ARPP19: variants seen among roughly 807,000 people sequenced by gnomAD.
The protein encoded by ARPP19 is cAMP-regulated phosphoprotein 19.
ARPP19 carries 8 observed loss-of-function variants against 12.0 expected under a neutral mutation model. The observed-to-expected ratio is 0.67, with a 90% confidence interval of 0.39 to 1.21. The LOEUF is 1.21. Ranked by LOEUF, ARPP19 falls within the 50% of genes most tolerant of loss-of-function variation. ARPP19 has a pLI of 0.01. For missense variants in ARPP19, 102 were observed against 136.3 expected (o/e 0.75, Z 1.25); for synonymous variants, 47 against 50.4 (o/e 0.93, Z 0.29).
chr15:52,558,630 A>T lies in ARPP19; in HGVS notation c.46-1408T>A, dbSNP rs991800952. On this transcript the variant is annotated intron_variant, in intron 1 of 2. Coordinates refer to ENST00000249822, the MANE Select transcript of ARPP19 (RefSeq NM_006628.6). ...CTGCCTATCTTGAGCCTTCCAGGTT[A>T]CTTAGGAATAGTCAAAGCAGGAATG... Among the ~76,000 whole-genome samples, 3 of 152,110 alleles carry T rather than the reference A, an allele frequency of 2.0e-5. No individual in the cohort carries two copies. The East Asian group carries it at 5.8e-4, about 29-fold the overall frequency.
intron 1 of ARPP19, among the ~76,000 whole-genome samples, chr15:52,558,468 C>T (rs1275345263): frequency 6.7e-5 from 5 of 74,292 alleles, no homozygotes; most frequent in Non-Finnish European, 1.4e-4. Flanking sequence ...CAAAACAAAA[C>T]AGAAAAAAAA....
Position 52,558,680 on chromosome 15 carries a change from T to C in ARPP19, c.46-1458A>G, listed in dbSNP as rs575370642. On this transcript the variant is annotated intron_variant, in intron 1 of 2. Coordinates refer to ENST00000249822, the MANE Select transcript of ARPP19 (RefSeq NM_006628.6). ...GTTAAATCCATAAATGTCAAACCTA[T>C]GTTCTTATATAGCAAGCAAACCATT... is the stretch of plus-strand genomic sequence containing the variant. 2.7e-4 allele frequency among the ~76,000 whole-genome samples: 41 copies of C among 151,656 alleles called. No individual in the cohort carries two copies. The South Asian group carries it at 4.8e-3, about 18-fold the overall frequency.
At chr15:52,567,518 A>G (rs1461228088) in intron 1 of ARPP19, among the ~76,000 whole-genome samples, 36 of 152,320 alleles carry the variant, frequency 2.4e-4, no homozygotes, top group Admixed American at 2.4e-3. Context: ...CTAAATTTCA[A>G]GCAATAATGA....
chr15:52,565,666 C>T (rs2078074693), intron 1 of ARPP19, among the ~76,000 whole-genome samples: 2 of 152,150 alleles, frequency 1.3e-5, no homozygotes, highest in South Asian at 4.1e-4. Context: ...TCATAGTTTA[C>T]TCTTAAAAGG....
chr15:52,557,214 T>C lies in ARPP19; in HGVS notation c.54A>G (p.Glu18=). 5.6e-6 allele frequency: 9 copies of C among 1,594,604 alleles called. No homozygotes were observed. Among genetic ancestry groups the C allele is most frequent in the Non-Finnish European group, 7.7e-6 (9 of 1,166,702 alleles). ...AASAEEQKEM[E]DKVTSPEKAE... ...CTTTCTCTGGACTAGTCACTTTATC[T>C]TCCATTTCCTAAAATAATTTCAAAT... Residue 18 remains glutamate, a synonymous_variant, in exon 2 of 3, where the codon GAA becomes GAG. Transcript: ENST00000249822.
In ARPP19 at chr15:52,549,671, G is replaced by A. The variant is rs959114442; in HGVS notation, c.*2263C>T. 6.6e-6 allele frequency: 1 copy of A among 152,416 alleles called. No individual in the cohort carries two copies. Among genetic ancestry groups the A allele is most frequent in the African/African-American group, 2.4e-5 (1 of 41,336 alleles). 9.4% of individuals were successfully genotyped at this position (152,416 alleles called of 1,614,324 possible). On this transcript the variant is annotated 3_prime_UTR_variant, in exon 3 of 3. Coordinates refer to ENST00000249822, the MANE Select transcript of ARPP19 (RefSeq NM_006628.6). ...TTTTATTACTTGTCCCAAACCACAGGAGCAGTTCTATCGTGGTCAGGAATA... is the reference window on the plus strand; with the variant it reads ...TTTTATTACTTGTCCCAAACCACAGAAGCAGTTCTATCGTGGTCAGGAATA...
chr15:52,567,633 T>A lies in ARPP19; in HGVS notation c.45+1215A>T, dbSNP rs149542639. Among the ~76,000 whole-genome samples, 372 of 152,372 alleles carry A rather than the reference T, an allele frequency of 2.4e-3. 1 individual carries two copies. The highest frequency in any genetic ancestry group is 8.7e-3 in the African/African-American group (360 of 41,586). The stretch of plus-strand genomic sequence containing the variant: ...CCCCCAAAATCCATTTTTTTGGTAA[T>A]GCGTAAATATATCTATTTTCACGGG... On this transcript the variant is annotated intron_variant, in intron 1 of 2. Transcript: ENST00000249822.
rs1254402371 is a variant in ARPP19, at chr15:52,551,983, T to A, written c.290A>T (p.Asp97Val). ...AAGGGACGGCTTCCGTTGAGGAAGG[T>A]CTTGCGGAGTGGGAATGTGGTCACC... Reference protein sequence around the residue: ...VTGDHIPTPQDLPQRKPSLVA... With the variant: ...VTGDHIPTPQVLPQRKPSLVA... The change falls in exon 3 of 3, where the codon GAC (aspartate) becomes GTC (valine). Residue 97 changes from aspartate to valine, a missense_variant. Asp to Val is a radical substitution (Grantham distance 152). Transcript: ENST00000249822. The A allele has an allele frequency of 6.2e-7, 1 of 1,613,642 alleles. No homozygotes were observed. The highest frequency in any genetic ancestry group is 2.2e-5 in the East Asian group (1 of 44,884).
chr15:52,560,216 C>T (rs1468282068), intron 1 of ARPP19, among the ~76,000 whole-genome samples: 1 of 151,674 alleles, frequency 6.6e-6, no homozygotes, highest in South Asian at 2.1e-4. Flanking sequence ...AGGCTGGTCT[C>T]GAACTCCTGA....
chr15:52,551,974 T>C lies in ARPP19; in HGVS notation c.299A>G (p.Gln100Arg), dbSNP rs749070045. The change falls in exon 3 of 3, where the codon CAA becomes CGA. Residue 100 changes from glutamine (Q) to arginine (R), a missense_variant. Coordinates refer to ENST00000249822, the MANE Select transcript of ARPP19 (RefSeq NM_006628.6). ...DHIPTPQDLPQRKPSLVASKL... is the reference protein window; with the variant it reads ...DHIPTPQDLPRRKPSLVASKL... ...GCTAGCAACAAGGGACGGCTTCCGT[T>C]GAGGAAGGTCTTGCGGAGTGGGAAT... 1 of 1,613,190 alleles carries C rather than the reference T, an allele frequency of 6.2e-7. No homozygotes were observed. The highest frequency in any genetic ancestry group is 1.7e-5 in the Admixed American group (1 of 60,010).
chr15:52,567,036 T>G (rs1344143388), intron 1 of ARPP19, among the ~76,000 whole-genome samples: 1 of 152,188 alleles, frequency 6.6e-6, no homozygotes, highest in East Asian at 1.9e-4. Context: ...ATAACTTAAT[T>G]TTTTAGGTCA....
chr15:52,566,770 T>C (rs1467691457), intron 1 of ARPP19, among the ~76,000 whole-genome samples: 1 of 152,042 alleles, frequency 6.6e-6, no homozygotes, highest in Non-Finnish European at 1.5e-5. Context: ...AGTTAAGAGA[T>C]AAGAGTTTAT....
intron 1 of ARPP19, among the ~76,000 whole-genome samples, chr15:52,561,248 T>C (rs1481657916): frequency 1.3e-5 from 2 of 152,218 alleles, no homozygotes; most frequent in East Asian, 1.9e-4. Flanking sequence ...AAAGGGGAGA[T>C]AAGCCAATAG....
At chr15:52,563,870 T>C (rs2078057572) in intron 1 of ARPP19, among the ~76,000 whole-genome samples, 1 of 152,176 alleles carries the variant, frequency 6.6e-6, no homozygotes, top group African/African-American at 2.4e-5. Flanking sequence ...CTATGGAAAA[T>C]TACTGTTGTC....
chr15:52,556,048 T>C (rs2077978523), intron 2 of ARPP19, among the ~76,000 whole-genome samples: 1 of 152,064 alleles, frequency 6.6e-6, no homozygotes. Context: ...GAGTTTTACA[T>C]CTTCATAAAT....
upstream of ARPP19, chr15:52,569,334 A>T (rs746719385): frequency 1.4e-4 from 30 of 214,984 alleles, no homozygotes; most frequent in Non-Finnish European, 2.4e-4. Context: ...ATCCTCGCCT[A>T]GTTCTGTTCT....
At chr15:52,556,693 C>G (rs1828876816) in intron 2 of ARPP19, among the ~76,000 whole-genome samples, 1 of 152,060 alleles carries the variant, frequency 6.6e-6, no homozygotes, top group South Asian at 2.1e-4. Context: ...ACACCAGCTT[C>G]TGGATAGTGG....
chr15:52,553,352 T>A (rs1193567340), intron 2 of ARPP19, among the ~76,000 whole-genome samples: 2 of 152,216 alleles, frequency 1.3e-5, no homozygotes, highest in Admixed American at 1.3e-4. Context: ...GCTTTTTTTT[T>A]AGCTGCCCTT....
At chr15:52,556,285 A>C in intron 2 of ARPP19, among the ~76,000 whole-genome samples, 1 of 152,092 alleles carries the variant, frequency 6.6e-6, no homozygotes, top group Middle Eastern at 3.2e-3. Context: ...TTCCGTAAGT[A>C]GTATTTCATC....
Sources: gnomAD v4.1 joint callset for allele counts (sites outside exome capture counted in the v4.1 genomes callset) on GRCh38, gnomAD v4.1.1 for gene constraint, MANE v1.5 for transcripts, NCBI Gene and HGNC (gene_info 2026-07-23, HGNC 2026-07-21) for gene names.